FAM193A: variants seen among roughly 807,000 people sequenced by gnomAD.
FAM193A encodes the protein family with sequence similarity 193 member A.
Under a neutral mutation model 126.5 loss-of-function variants are expected in FAM193A, and 22 were observed. That is an observed-to-expected ratio of 0.17 (90% CI 0.12 to 0.25). The LOEUF (loss-of-function observed/expected upper bound fraction) is 0.25. FAM193A is among the 10% of genes least tolerant of loss of function. The probability of loss-of-function intolerance (pLI) is 1.00; values close to 1 mark genes in which losing one functional copy is unlikely to be tolerated. For synonymous variants in FAM193A, 761 were observed against 646.8 expected, an observed-to-expected ratio of 1.18 and a Z score of -2.68; for missense variants, 1,675 against 1,672.8, an observed-to-expected ratio of 1.00 and a Z score of -0.02.
At chr4:2,702,002 C>T (rs1717790303) in intron 19 of FAM193A, among the ~76,000 whole-genome samples, 1 of 152,142 alleles carries the variant, frequency 6.6e-6, no homozygotes, top group South Asian at 2.1e-4. Flanking sequence ...AAACTCCCGA[C>T]CTCAGTTGAT....
chr4:2,605,593 T>A (rs942957941), intron 2 of FAM193A, among the ~76,000 whole-genome samples: 4 of 152,182 alleles, frequency 2.6e-5, no homozygotes, highest in African/African-American at 9.7e-5. Flanking sequence ...TGCTGAGCCA[T>A]AGGTGGTTTA....
At chr4:2,584,873 C>T (rs1300637580) in intron 1 of FAM193A, among the ~76,000 whole-genome samples, 4 of 151,274 alleles carry the variant, frequency 2.6e-5, no homozygotes, top group South Asian at 2.1e-4. Context: ...TGCAGTGAGC[C>T]GAGACCGTGC....
intron 19 of FAM193A, among the ~76,000 whole-genome samples, chr4:2,707,556 A>G (rs913025058): frequency 2.0e-5 from 3 of 152,130 alleles, no homozygotes; most frequent in Non-Finnish European, 4.4e-5. Flanking sequence ...TATAATTTTT[A>G]ATATTGGTTA....
intron 1 of FAM193A, among the ~76,000 whole-genome samples, chr4:2,576,616 G>A (rs1739603829): frequency 6.6e-6 from 1 of 152,184 alleles, no homozygotes; most frequent in Non-Finnish European, 1.5e-5. Flanking sequence ...TGATGCTATT[G>A]TGACAGCCTC....
chr4:2,624,173 TTCTC>T (rs1259373395), intron 2 of FAM193A, among the ~76,000 whole-genome samples: 3 of 151,912 alleles, frequency 2.0e-5, no homozygotes, highest in Non-Finnish European at 4.4e-5. Context: ...TTGCCCAATG[TTCTC>T]TCTCTCTTTT....
chr4:2,667,883 A>T (rs1577170109), intron 12 of FAM193A, among the ~76,000 whole-genome samples: 1 of 152,336 alleles, frequency 6.6e-6, no homozygotes, highest in East Asian at 1.9e-4. Flanking sequence ...ATAAAAAGAA[A>T]CAAAAATTAA....
intron 1 of FAM193A, among the ~76,000 whole-genome samples, chr4:2,545,648 A>G (rs1021371461): frequency 6.6e-6 from 1 of 152,094 alleles, no homozygotes; most frequent in African/African-American, 2.4e-5. Context: ...TTATATGCTA[A>G]TTTTTAGAAA....
At chr4:2,671,051 C>T (rs1713728049) in intron 12 of FAM193A, among the ~76,000 whole-genome samples, 2 of 152,126 alleles carry the variant, frequency 1.3e-5, no homozygotes, top group African/African-American at 2.4e-5. Flanking sequence ...ATGATTTGGG[C>T]AGAGGTTGCC....
intron 20 of FAM193A, among the ~76,000 whole-genome samples, chr4:2,721,040 G>A (rs1041119038): frequency 2.0e-4 from 30 of 151,990 alleles, no homozygotes; most frequent in African/African-American, 6.5e-4. Flanking sequence ...TGGGCCGGGC[G>A]CGGTGGTTCA....
At chr4:2,558,642 G>A (rs2108835260) in intron 1 of FAM193A, among the ~76,000 whole-genome samples, 1 of 152,208 alleles carries the variant, frequency 6.6e-6, no homozygotes, top group East Asian at 1.9e-4. Flanking sequence ...TAGCCTCCTG[G>A]GTATTTGGGA....
intron 13 of FAM193A, among the ~76,000 whole-genome samples, chr4:2,686,322 C>G (rs1003641335): frequency 6.6e-6 from 1 of 152,186 alleles, no homozygotes; most frequent in African/African-American, 2.4e-5. Context: ...CCTTATTCCT[C>G]TAAGCTAGAC....
intron 4 of FAM193A, among the ~76,000 whole-genome samples, chr4:2,627,232 C>A (rs978096284): frequency 4.1e-5 from 6 of 144,976 alleles, no homozygotes; most frequent in African/African-American, 1.5e-4. Context: ...GTGATCTTGG[C>A]TCACTGCAAC....
At chr4:2,590,643 T>TA (rs753755897) in intron 1 of FAM193A, among the ~76,000 whole-genome samples, 1 of 152,044 alleles carries the variant, frequency 6.6e-6, no homozygotes, top group Non-Finnish European at 1.5e-5. Context: ...CTGGGTGCAT[T>TA]ATGGACATTC....
chr4:2,556,232 C>T (rs541918724), intron 1 of FAM193A, among the ~76,000 whole-genome samples: 11 of 148,998 alleles, frequency 7.4e-5, no homozygotes, highest in African/African-American at 1.5e-4. Context: ...TTGTTGATGG[C>T]GTCTCGCTCT....
intron 1 of FAM193A, among the ~76,000 whole-genome samples, chr4:2,543,161 C>T (rs907885695): frequency 6.6e-6 from 1 of 151,658 alleles, no homozygotes; most frequent in Admixed American, 6.6e-5. Flanking sequence ...AATCTTGGCT[C>T]ACTGCAACCT....
intron 2 of FAM193A, among the ~76,000 whole-genome samples, chr4:2,620,963 G>C (rs931096011): frequency 2.0e-5 from 3 of 152,070 alleles, no homozygotes; most frequent in Non-Finnish European, 2.9e-5. Context: ...GGAGCTTAGG[G>C]AGGGGACTCA....
chr4:2,599,673 A>G (rs372134832), intron 2 of FAM193A, among the ~76,000 whole-genome samples: 12 of 151,566 alleles, frequency 7.9e-5, no homozygotes, highest in African/African-American at 2.9e-4. Flanking sequence ...AGAAATCTCC[A>G]TTTCAAACTT....
At chr4:2,647,551 A>G (rs1745274223) in intron 7 of FAM193A, among the ~76,000 whole-genome samples, 1 of 152,166 alleles carries the variant, frequency 6.6e-6, no homozygotes, top group Non-Finnish European at 1.5e-5. Flanking sequence ...ACACATGCAC[A>G]GGTGGCAGGT....
intron 2 of FAM193A, among the ~76,000 whole-genome samples, chr4:2,599,654 G>A (rs910246029): frequency 2.0e-5 from 3 of 152,058 alleles, no homozygotes; most frequent in Non-Finnish European, 4.4e-5. Flanking sequence ...AGTCGTGCCT[G>A]GAAACCTAAG....
Sources: gnomAD v4.1 joint callset for allele counts (sites outside exome capture counted in the v4.1 genomes callset) on GRCh38, gnomAD v4.1.1 for gene constraint, MANE v1.5 for transcripts, NCBI Gene and HGNC (gene_info 2026-07-23, HGNC 2026-07-21) for gene names.